Variants in PCDHA8 observed in about 807,000 individuals in gnomAD.
The protein encoded by PCDHA8 is protocadherin alpha 8, also known as protocadherin alpha-8.
A neutral mutation model predicts 61.8 loss-of-function variants in PCDHA8; 53 were observed. That is an observed-to-expected ratio of 0.86 (90% confidence interval 0.69 to 1.08). The LOEUF (loss-of-function observed/expected upper bound fraction) is 1.08. Ranked by LOEUF, PCDHA8 falls within the 50% of genes least tolerant of loss-of-function variation. PCDHA8 has a pLI of 0.00. For missense variants in PCDHA8, 1,293 were observed against 1,245.0 expected, an observed-to-expected ratio of 1.04 and a Z score of -0.58; for synonymous variants, 618 against 556.6, an observed-to-expected ratio of 1.11 and a Z score of -1.55.
chr5:140,993,528 A>G (rs78672098), intron 3 of PCDHA8, among the ~76,000 whole-genome samples: 1 of 151,976 alleles, frequency 6.6e-6, no homozygotes, highest in Admixed American at 6.6e-5. Context: ...AGAGACAGAG[A>G]GAGAGAGAGA....
At chr5:140,918,097 A>C (rs193088313) in intron 1 of PCDHA8, among the ~76,000 whole-genome samples, 2 of 152,192 alleles carry the variant, frequency 1.3e-5, no homozygotes, top group Non-Finnish European at 2.9e-5. Flanking sequence ...CTTTTTATAG[A>C]GATCTTTCAC....
At chr5:140,960,557 G>A (rs2095556177) in intron 1 of PCDHA8, among the ~76,000 whole-genome samples, 1 of 152,104 alleles carries the variant, frequency 6.6e-6, no homozygotes. Context: ...TATAGACTGA[G>A]CTTAGGAAAA....
chr5:140,871,966 C>G (rs1210672603), intron 1 of PCDHA8, among the ~76,000 whole-genome samples: 2 of 152,204 alleles, frequency 1.3e-5, no homozygotes, highest in African/African-American at 4.8e-5. Context: ...AGGAGGTCTT[C>G]CTATGATGTC....
Position 141,009,910 on chromosome 5 carries a change from C to G in PCDHA8, c.2826C>G (p.Asn942Lys), listed in dbSNP as rs1554262551. ...CCCAGGAGAAAAAAGAGAAAGGGAA[C>G]AGCACGACTGACAACAGTGACCAGT... The part of the protein sequence containing the change: ...NKTQEKKEKG[N>K]STTDNSDQ Residue 942 changes from asparagine to lysine, a missense_variant, in exon 4 of 4, where the codon AAC (asparagine) becomes AAG (lysine). Physicochemically the swap from Asn to Lys is moderately conservative, Grantham distance 94 (BLOSUM62 0). Transcript: ENST00000531613. 28 of 1,612,616 alleles carry G rather than the reference C, an allele frequency of 1.7e-5. No homozygotes were observed. Among genetic ancestry groups the G allele is most frequent in the African/African-American group, 5.4e-5 (4 of 74,736 alleles).
chr5:140,850,643 G>A, intron 1 of PCDHA8: 1 of 1,598,690 alleles, frequency 6.3e-7, no homozygotes, highest in African/African-American at 1.3e-5. Context: ...TCACGCTGCT[G>A]CTGTACACTG....
At chr5:140,928,656 T>C in intron 1 of PCDHA8, 1 of 1,614,232 alleles carries the variant, frequency 6.2e-7, no homozygotes, top group Middle Eastern at 1.6e-4. Flanking sequence ...CAGAGGATGC[T>C]GACAGTGGTT....
At chr5:140,951,431 G>A (rs1003684083) in intron 1 of PCDHA8, among the ~76,000 whole-genome samples, 1 of 152,044 alleles carries the variant, frequency 6.6e-6, no homozygotes, top group Non-Finnish European at 1.5e-5. Context: ...TCCACAGGCT[G>A]TAGGAAGCAT....
Position 140,843,685 on chromosome 5 carries a change from G to T in PCDHA8, c.2364G>T (p.Glu788Asp), listed in dbSNP as rs2150365041. 6.3e-7 allele frequency: 1 copy of T among 1,589,062 alleles called. No homozygotes were observed. The highest frequency in any genetic ancestry group is 8.6e-7 in the Non-Finnish European group (1 of 1,159,096). ...PDLGSVDVGE[E>D]QDLNVDHGLK... ...TGGGATCAGTTGATGTAGGCGAAGA[G>T]CAAGATTTAAATGTTGATCATGGCC... is the stretch of plus-strand genomic sequence containing the variant. Residue 788 changes from glutamate to aspartate, a missense_variant, in exon 1 of 4, where the codon GAG (glutamate) becomes GAT (aspartate). Coordinates refer to ENST00000531613, the MANE Select transcript of PCDHA8 (RefSeq NM_018911.3).
chr5:140,959,471 C>T (rs910729465), intron 1 of PCDHA8, among the ~76,000 whole-genome samples: 3 of 151,970 alleles, frequency 2.0e-5, no homozygotes, highest in African/African-American at 7.3e-5. Context: ...TGGCATCAAT[C>T]AAGGCATATT....
In PCDHA8 at chr5:140,884,757, TCTTTA is replaced by T. The variant is rs1486319174; in HGVS notation, c.2394+41048_2394+41052del. On this transcript the variant is annotated intron_variant, in intron 1 of 3. Transcript: ENST00000531613. ...ATCTTTCCTGCCAATTTCAAATTATTCTTTACTTTAATTTTAATTTTGCTAGTTGT... is the reference window on the plus strand; with the variant it reads ...ATCTTTCCTGCCAATTTCAAATTATTCTTTAATTTTAATTTTGCTAGTTGT... The T allele has an allele frequency of 5.5e-5, 78 of 1,427,314 alleles. 1 individual carries two copies. The highest frequency in any genetic ancestry group is 1.3e-4 in the South Asian group (8 of 61,704). The allele number at this position is 1,427,314 out of a possible 1,614,324, so 88.4% of individuals were successfully genotyped here. A position where few individuals can be genotyped will look rare whatever the true frequency, so the allele number is the denominator to read the frequency against.
intron 1 of PCDHA8, among the ~76,000 whole-genome samples, chr5:140,873,677 T>A (rs1358245351): frequency 6.6e-6 from 1 of 152,212 alleles, no homozygotes; most frequent in African/African-American, 2.4e-5. Flanking sequence ...TTGTTTCTTT[T>A]TGAGATAGAG....
At chr5:140,875,844 G>A in intron 1 of PCDHA8, 1 of 1,614,178 alleles carries the variant, frequency 6.2e-7, no homozygotes, top group Non-Finnish European at 8.5e-7. Flanking sequence ...TGGAGGTGAA[G>A]GACATTAACG....
intron 1 of PCDHA8, chr5:140,877,081 G>A: frequency 6.2e-7 from 1 of 1,613,120 alleles, no homozygotes; most frequent in Non-Finnish European, 8.5e-7. Flanking sequence ...CCAGGTGAGC[G>A]CGCGCGACGC....
chr5:140,937,644 G>A (rs1554211697), intron 1 of PCDHA8, among the ~76,000 whole-genome samples: 1 of 151,048 alleles, frequency 6.6e-6, no homozygotes, highest in African/African-American at 2.4e-5. Flanking sequence ...AGGGCATGGT[G>A]GCTCACGCCT....
At chr5:140,960,265 T>A (rs1380537220) in intron 1 of PCDHA8, among the ~76,000 whole-genome samples, 2 of 152,174 alleles carry the variant, frequency 1.3e-5, no homozygotes, top group African/African-American at 4.8e-5. Context: ...TTCTGATAAA[T>A]TCCGTCACCT....
intron 1 of PCDHA8, among the ~76,000 whole-genome samples, chr5:140,960,579 C>G (rs2095556928): frequency 6.6e-6 from 1 of 152,052 alleles, no homozygotes; most frequent in South Asian, 2.1e-4. Context: ...AGTTGGAAAA[C>G]AGTTCAAATT....
intron 1 of PCDHA8, among the ~76,000 whole-genome samples, chr5:140,893,408 T>C (rs1562871197): frequency 6.6e-6 from 1 of 152,076 alleles, no homozygotes; most frequent in Non-Finnish European, 1.5e-5. Flanking sequence ...ATCCCAGCAC[T>C]TAGGGAGGCA....
chr5:140,931,759 T>C (rs2087738384), intron 1 of PCDHA8, among the ~76,000 whole-genome samples: 2 of 151,994 alleles, frequency 1.3e-5, no homozygotes, highest in African/African-American at 4.8e-5. Flanking sequence ...GCATTTGTTA[T>C]TTACTTCTTC....
chr5:140,851,986 C>T, intron 1 of PCDHA8: 1 of 976,230 alleles, frequency 1.0e-6, no homozygotes, highest in Non-Finnish European at 1.2e-6. Context: ...TTAGTGCAAG[C>T]TATTTGTTTG....
Sources: gnomAD v4.1 joint callset for allele counts (sites outside exome capture counted in the v4.1 genomes callset) on GRCh38, gnomAD v4.1.1 for gene constraint, MANE v1.5 for transcripts, NCBI Gene and HGNC (gene_info 2026-07-23, HGNC 2026-07-21) for gene names.